The following KNTC1 variants were observed in gnomAD, a reference collection of about 807,000 sequenced individuals.
The protein encoded by KNTC1 is kinetochore-associated protein 1.
Under a neutral mutation model 314.4 loss-of-function variants are expected in KNTC1, and 253 were observed. The observed-to-expected ratio is 0.80, with a 90% CI of 0.73 to 0.89. The LOEUF (loss-of-function observed/expected upper bound fraction) is 0.89, where lower values mean the gene tolerates loss of function less well. Among genes scored for constraint, KNTC1 ranks in the 40% least tolerant of loss-of-function variants. The probability of loss-of-function intolerance (pLI) is 0.00; values close to 1 mark genes in which losing one functional copy is unlikely to be tolerated. For synonymous variants in KNTC1, 901 were observed against 901.4 expected, an observed-to-expected ratio of 1.00 and a Z score of 0.01; for missense variants, 2,475 against 2,572.9, an observed-to-expected ratio of 0.96 and a Z score of 0.82.
intron 16 of KNTC1, among the ~76,000 whole-genome samples, chr12:122,555,710 G>T (rs527834705): frequency 6.6e-6 from 1 of 151,972 alleles, no homozygotes; most frequent in Admixed American, 6.6e-5. Flanking sequence ...TTATCCTGGT[G>T]TGGTGGCAGG....
Position 122,549,851 on chromosome 12 carries a change from C to T in KNTC1, c.1073C>T (p.Thr358Ile), listed in dbSNP as rs779887028. 2.6e-6 allele frequency: 4 copies of T among 1,535,990 alleles called. No individual in the cohort carries two copies. Among genetic ancestry groups the T allele is most frequent in the Non-Finnish European group, 3.6e-6 (4 of 1,119,472 alleles). ...TCTAGTGTTTCTTCTCTGGTCCAAA[C>T]AGGAATTAGCACAGTAAGTTTATTT... The part of the protein sequence containing the change: ...EVSSVSSLVQ[T>I]GISTDTIYLL... The change falls in exon 13 of 64, where the codon ACA (threonine) becomes ATA (isoleucine). Residue 358 changes from threonine to isoleucine, a missense_variant. Transcript: ENST00000333479.
Position 122,584,400 on chromosome 12 carries a change from C to G in KNTC1, c.3386C>G (p.Pro1129Arg). 2 of 1,613,254 alleles carry G rather than the reference C, an allele frequency of 1.2e-6. No individual in the cohort carries two copies. The highest frequency in any genetic ancestry group is 1.7e-6 in the Non-Finnish European group (2 of 1,179,446). Residue 1129 changes from proline (P) to arginine (R), a missense_variant, in exon 35 of 64, where the codon CCT becomes CGT. Physicochemically the swap from Pro to Arg is moderately radical, Grantham distance 103. Transcript: ENST00000333479. Reference protein sequence around the residue: ...PVTVPVGLNLPSMIHDLASQA... With the variant: ...PVTVPVGLNLRSMIHDLASQA... ...ACAGTGCCTGTGGGACTGAATCTTC[C>G]TTCCATGATACATGATCTAGCAAGC...
At position 122,562,694 on chromosome 12, in the gene KNTC1, A is replaced by C. The variant is rs779047252; in HGVS notation, c.1599A>C (p.Lys533Asn). 6.2e-7 allele frequency: 1 copy of C among 1,606,480 alleles called. No homozygotes were observed. The highest frequency in any genetic ancestry group is 8.5e-7 in the Non-Finnish European group (1 of 1,173,644). ...TTTATGGAGCATTTGGACCAGAAAA[A>C]TTCAGGTGTGTACATTTTTGTTAAA... The part of the protein sequence containing the change: ...TTFYGAFGPE[K>N]FSGSSWIEFL... The change falls in exon 20 of 64, where the codon AAA (lysine) becomes AAC (asparagine). Residue 533 changes from lysine (K) to asparagine (N), a missense_variant. By Grantham distance (94) the Lys-to-Asn change is moderately conservative (BLOSUM62 0). Coordinates refer to ENST00000333479, the MANE Select transcript of KNTC1 (RefSeq NM_014708.6).
At position 122,605,040 on chromosome 12, in the gene KNTC1, C is replaced by G. The variant is rs770425941; in HGVS notation, c.5339C>G (p.Pro1780Arg). Residue 1780 changes from proline to arginine, a missense_variant, in exon 50 of 64, where the codon CCT becomes CGT. Physicochemically the swap from Pro to Arg is moderately radical, Grantham distance 103. Transcript: ENST00000333479. ...CTTATTGTCAGTCTCTACGAACATC[C>G]TAGCATCAATCAAAGAATTCAGAAT... Reference protein sequence around the residue: ...AHLIVSLYEHPSINQRIQNSS... With the variant: ...AHLIVSLYEHRSINQRIQNSS... 149 of 1,612,900 alleles carry G rather than the reference C, an allele frequency of 9.2e-5. No individual in the cohort carries two copies. Among genetic ancestry groups the G allele is most frequent in the Non-Finnish European group, 1.2e-4 (139 of 1,179,562 alleles).
Position 122,624,672 on chromosome 12 carries a change from C to G in KNTC1, c.6590C>G (p.Pro2197Arg), listed in dbSNP as rs1555242481. The change falls in exon 63 of 64, where the codon CCC (proline) becomes CGC (arginine). Residue 2197 changes from proline (P) to arginine (R), a missense_variant. Transcript: ENST00000333479. ...CGKPVPPDTA[P>R]CEILKMFLSG... The stretch of plus-strand genomic sequence containing the variant: ...AAACCTGTGCCTCCAGACACTGCTC[C>G]CTGTGAAATTCTGAAGGTAAAGCTG... The G allele has an allele frequency of 1.2e-6, 2 of 1,612,838 alleles. No homozygotes were observed. The highest frequency in any genetic ancestry group is 8.5e-7 in the Non-Finnish European group (1 of 1,178,936).
chr12:122,626,047 G>T (rs1162008266), intron 63 of KNTC1, among the ~76,000 whole-genome samples, 158 bp from the exon 64 acceptor site: 1 of 151,966 alleles, frequency 6.6e-6, no homozygotes, highest in Non-Finnish European at 1.5e-5. Flanking sequence ...AGATAAATTT[G>T]TGGCGTTTAA....
At chr12:122,577,308 G>A (rs1402403790) in intron 30 of KNTC1, among the ~76,000 whole-genome samples, 1 of 151,980 alleles carries the variant, frequency 6.6e-6, no homozygotes, top group Non-Finnish European at 1.5e-5. Context: ...CAATGCCTAG[G>A]AATTAACTCT....
chr12:122,624,088 A>C (rs866516722), intron 62 of KNTC1, among the ~76,000 whole-genome samples: 4 of 152,032 alleles, frequency 2.6e-5, no homozygotes, highest in Non-Finnish European at 4.4e-5. Context: ...AAAAAAAAGA[A>C]CAATGTGTAA....
intron 6 of KNTC1, among the ~76,000 whole-genome samples, chr12:122,543,126 T>C (rs1962478720): frequency 6.6e-6 from 1 of 152,160 alleles, no homozygotes; most frequent in South Asian, 2.1e-4. Context: ...TTGGCCAGGC[T>C]GGTCTCGAAC....
chr12:122,528,212 A>G (rs1157480589), intron 1 of KNTC1, among the ~76,000 whole-genome samples: 1 of 152,122 alleles, frequency 6.6e-6, no homozygotes, highest in Non-Finnish European at 1.5e-5. Context: ...ATTGAGACCC[A>G]TAAAGGTATT....
intron 16 of KNTC1, among the ~76,000 whole-genome samples, chr12:122,555,467 G>A (rs575589618): frequency 3.3e-5 from 5 of 152,234 alleles, no homozygotes; most frequent in East Asian, 3.9e-4. Context: ...CAGATGAATC[G>A]CTTGAATCAG....
At position 122,571,055 on chromosome 12, in the gene KNTC1, G is replaced by A; in HGVS notation, c.1948G>A (p.Ala650Thr). 1 of 1,613,612 alleles carries A rather than the reference G, an allele frequency of 6.2e-7. No individual in the cohort carries two copies. Among genetic ancestry groups the A allele is most frequent in the East Asian group, 2.2e-5 (1 of 44,842 alleles). Reference sequence around the variant, plus strand: ...TTGGCCAGAAAATGGACTTCAATTGGCAGAGATATTTTTTACAGCAGAAAA... The same window carrying A: ...TTGGCCAGAAAATGGACTTCAATTGACAGAGATATTTTTTACAGCAGAAAA... ...ANWPENGLQLAEIFFTAEKTD... is the reference protein window; with the variant it reads ...ANWPENGLQLTEIFFTAEKTD... The change falls in exon 24 of 64, where the codon GCA becomes ACA. Residue 650 changes from alanine (A) to threonine (T), a missense_variant. Transcript: ENST00000333479.
intron 55 of KNTC1, among the ~76,000 whole-genome samples, 166 bp from the exon 56 acceptor site, chr12:122,614,825 G>A (rs1367535222): frequency 1.3e-5 from 2 of 151,496 alleles, no homozygotes; most frequent in Non-Finnish European, 1.5e-5. Flanking sequence ...AGGTTGTGGC[G>A]AGCTGAGATC....
chr12:122,539,224 C>T (rs1372153060), intron 4 of KNTC1, among the ~76,000 whole-genome samples: 1 of 152,116 alleles, frequency 6.6e-6, no homozygotes, highest in Non-Finnish European at 1.5e-5. Context: ...TTAAGGGAGG[C>T]AGGAAGGTAG....
At chr12:122,585,445 G>A (rs1053603867) in intron 36 of KNTC1, among the ~76,000 whole-genome samples, 191 bp from the exon 37 acceptor site, 1 of 152,198 alleles carries the variant, frequency 6.6e-6, no homozygotes, top group Non-Finnish European at 1.5e-5. Flanking sequence ...CCACTTCTCT[G>A]TTCCAGTCAC....
chr12:122,534,790 T>C lies in KNTC1; in HGVS notation c.250+6T>C, dbSNP rs1220276200. The C allele has an allele frequency of 1.2e-6, 2 of 1,611,924 alleles. No individual in the cohort carries two copies. Among genetic ancestry groups the C allele is most frequent in the South Asian group, 2.2e-5 (2 of 90,836 alleles). On this transcript the variant is annotated splice_donor_region_variant and intron_variant, in intron 3 of 63. Coordinates refer to ENST00000333479, the MANE Select transcript of KNTC1 (RefSeq NM_014708.6). ...TCAATTGCATCTTGTCTTTGGTAAG[T>C]ATAATGTAGTGAATGAAGTAAGATA...
At chr12:122,598,410 CT>C (rs1429235812) in intron 44 of KNTC1, among the ~76,000 whole-genome samples, 2 of 118,580 alleles carry the variant, frequency 1.7e-5, no homozygotes, top group African/African-American at 6.1e-5. Context: ...TGTCTTTTTT[CT>C]TTTTCTTTTC....
At chr12:122,599,088 T>C (rs1003209249) in intron 44 of KNTC1, among the ~76,000 whole-genome samples, 1 of 152,130 alleles carries the variant, frequency 6.6e-6, no homozygotes, top group Non-Finnish European at 1.5e-5. Context: ...TAAATTGTTA[T>C]AATTAATATC....
intron 20 of KNTC1, among the ~76,000 whole-genome samples, chr12:122,562,934 G>A (rs1432694679): frequency 6.6e-6 from 1 of 151,988 alleles, no homozygotes; most frequent in East Asian, 1.9e-4. Context: ...ACTTGAACCC[G>A]GGAGGCAGAG....
Sources: gnomAD v4.1 joint callset for allele counts (sites outside exome capture counted in the v4.1 genomes callset) on GRCh38, gnomAD v4.1.1 for gene constraint, MANE v1.5 for transcripts, NCBI Gene and HGNC (gene_info 2026-07-23, HGNC 2026-07-21) for gene names.